The following BAZ1A variants were observed in gnomAD, a reference collection of about 807,000 sequenced individuals.
BAZ1A encodes the protein bromodomain adjacent to zinc finger domain 1A.
In BAZ1A, 50 loss-of-function variants were observed where a neutral mutation model predicts 185.2. That is an observed-to-expected ratio of 0.27 (90% confidence interval 0.22 to 0.34). BAZ1A has a LOEUF of 0.34. BAZ1A is among the 10% of genes least tolerant of loss of function. The pLI is 1.00. For synonymous variants in BAZ1A, 571 were observed against 615.6 expected, an observed-to-expected ratio of 0.93 and a Z score of 1.07; for missense variants, 1,356 against 1,839.9, an observed-to-expected ratio of 0.74 and a Z score of 4.81.
chr14:34,822,698 C>G (rs2042106126), intron 4 of BAZ1A, among the ~76,000 whole-genome samples: 1 of 152,136 alleles, frequency 6.6e-6, no homozygotes, highest in Non-Finnish European at 1.5e-5. Context: ...TATCCGTATA[C>G]AAGGGATATG....
intron 3 of BAZ1A, among the ~76,000 whole-genome samples, chr14:34,831,486 G>T (rs1358145104): frequency 6.6e-6 from 1 of 152,180 alleles, no homozygotes; most frequent in East Asian, 1.9e-4. Context: ...AGACAGAAGA[G>T]ATGGCAAGGA....
chr14:34,800,766 A>C (rs1028204065), intron 8 of BAZ1A, among the ~76,000 whole-genome samples: 1 of 152,208 alleles, frequency 6.6e-6, no homozygotes, highest in Non-Finnish European at 1.5e-5. Flanking sequence ...ATGTACATTC[A>C]AGTTTGGGAA....
chr14:34,837,065 G>T (rs532872160), intron 3 of BAZ1A, among the ~76,000 whole-genome samples: 2 of 151,474 alleles, frequency 1.3e-5, no homozygotes, highest in African/African-American at 4.9e-5. Context: ...GAGCAACCAT[G>T]CCTGGCCTAA....
At chr14:34,830,275 A>G (rs2042222011) in intron 3 of BAZ1A, among the ~76,000 whole-genome samples, 1 of 152,168 alleles carries the variant, frequency 6.6e-6, no homozygotes, top group Non-Finnish European at 1.5e-5. Flanking sequence ...TGTGGTATAT[A>G]CCATGCAATA....
chr14:34,848,711 TCTTGA>T (rs2042553571), intron 3 of BAZ1A, among the ~76,000 whole-genome samples: 1 of 152,240 alleles, frequency 6.6e-6, no homozygotes, highest in South Asian at 2.1e-4. Flanking sequence ...CTGTTATGTT[TCTTGA>T]CTTGATAACA....
intron 3 of BAZ1A, among the ~76,000 whole-genome samples, chr14:34,828,023 GGT>G (rs1418105389): frequency 6.6e-6 from 1 of 151,942 alleles, no homozygotes; most frequent in Admixed American, 6.6e-5. Flanking sequence ...GGCCGGGTGT[GGT>G]GGCTCACACC....
rs575609333 is a variant in BAZ1A, at chr14:34,808,873, G to A, written c.639-1335C>T. The stretch of plus-strand genomic sequence containing the variant: ...AATATATTCCTTTCAAGAAAAAGCC[G>A]TTAAAAGCTCCTATAAGTGAATAAA... On this transcript the variant is annotated intron_variant, in intron 5 of 26. Transcript: ENST00000360310. 4.6e-5 allele frequency among the ~76,000 whole-genome samples: 7 copies of A among 152,230 alleles called. No individual in the cohort carries two copies. The East Asian group carries it at 7.7e-4, about 17-fold the overall frequency.
At chr14:34,763,614 AT>A (rs939376667) in intron 23 of BAZ1A, among the ~76,000 whole-genome samples, 4 of 151,346 alleles carry the variant, frequency 2.6e-5, no homozygotes, top group African/African-American at 4.9e-5. Flanking sequence ...TACAATTATA[AT>A]TTTTTTTTAA....
intron 3 of BAZ1A, among the ~76,000 whole-genome samples, chr14:34,840,868 T>C (rs2042404107): frequency 6.6e-6 from 1 of 152,208 alleles, no homozygotes; most frequent in Non-Finnish European, 1.5e-5. Context: ...CACCTACTTG[T>C]AGACCCCTTT....
chr14:34,820,096 T>G (rs2042063663), intron 4 of BAZ1A, among the ~76,000 whole-genome samples: 1 of 151,722 alleles, frequency 6.6e-6, no homozygotes, highest in Non-Finnish European at 1.5e-5. Flanking sequence ...GTTCAGATCT[T>G]TTGCCATTTT....
chr14:34,838,530 T>C (rs1052453024), intron 3 of BAZ1A, among the ~76,000 whole-genome samples: 7 of 151,746 alleles, frequency 4.6e-5, no homozygotes, highest in Non-Finnish European at 8.8e-5. Flanking sequence ...TTTTTTTCTT[T>C]TTTTTTTTGG....
chr14:34,802,653 A>T (rs890052072), intron 7 of BAZ1A, among the ~76,000 whole-genome samples: 2 of 152,230 alleles, frequency 1.3e-5, no homozygotes, highest in African/African-American at 4.8e-5. Flanking sequence ...TATGAAAGTC[A>T]TATCTAATTC....
intron 3 of BAZ1A, among the ~76,000 whole-genome samples, chr14:34,852,178 C>T (rs936741812): frequency 3.3e-5 from 5 of 151,318 alleles, no homozygotes; most frequent in African/African-American, 1.2e-4. Flanking sequence ...TCTTAAAAAA[C>T]AAACAAAAAA....
chr14:34,813,183 G>A (rs1001573993), intron 4 of BAZ1A, among the ~76,000 whole-genome samples: 1 of 151,616 alleles, frequency 6.6e-6, no homozygotes, highest in Admixed American at 6.6e-5. Context: ...AGGAGTTTGA[G>A]ACCAACCTTG....
chr14:34,873,242 G>A (rs541624085), intron 2 of BAZ1A, among the ~76,000 whole-genome samples: 15 of 152,130 alleles, frequency 9.9e-5, no homozygotes, highest in Non-Finnish European at 2.2e-4. Flanking sequence ...ACTCAGAAAA[G>A]GTGCCTCCTT....
At chr14:34,855,967 C>G (rs2042670027) in intron 3 of BAZ1A, among the ~76,000 whole-genome samples, 1 of 151,898 alleles carries the variant, frequency 6.6e-6, no homozygotes, top group African/African-American at 2.4e-5. Context: ...AGAAAAAGAA[C>G]AAAAAATGGA....
At chr14:34,871,765 C>T (rs528135925) in intron 2 of BAZ1A, among the ~76,000 whole-genome samples, 7 of 152,120 alleles carry the variant, frequency 4.6e-5, no homozygotes, top group Non-Finnish European at 1.0e-4. Context: ...TCCAGCTACT[C>T]GGGAGGCTGA....
intron 3 of BAZ1A, among the ~76,000 whole-genome samples, chr14:34,831,536 A>G (rs1438534291): frequency 6.6e-6 from 1 of 152,234 alleles, no homozygotes; most frequent in African/African-American, 2.4e-5. Context: ...GTTCTTCCTC[A>G]GATTTAGCTG....
chr14:34,865,797 T>G (rs2042848727), intron 2 of BAZ1A, among the ~76,000 whole-genome samples: 1 of 152,040 alleles, frequency 6.6e-6, no homozygotes, highest in Admixed American at 6.6e-5. Context: ...AAGGCAGATA[T>G]CCTAAGAATT....
Sources: gnomAD v4.1 joint callset for allele counts (sites outside exome capture counted in the v4.1 genomes callset) on GRCh38, gnomAD v4.1.1 for gene constraint, MANE v1.5 for transcripts, NCBI Gene and HGNC (gene_info 2026-07-23, HGNC 2026-07-21) for gene names.